TMEM65: variants seen among roughly 807,000 people sequenced by gnomAD.
The protein encoded by TMEM65 is transmembrane protein 65.
TMEM65 carries 22 observed loss-of-function variants against 25.4 expected under a neutral mutation model. That is an observed-to-expected ratio of 0.86 (90% CI 0.62 to 1.23). The LOEUF is 1.23. TMEM65 is among the 50% of genes most tolerant of loss of function. The pLI is 0.00. For synonymous variants in TMEM65, 132 were observed against 126.2 expected (o/e 1.05, Z -0.31); for missense variants, 262 against 308.2 (o/e 0.85, Z 1.12).
chr8:124,368,218 C>G (rs1323966116), intron 1 of TMEM65, among the ~76,000 whole-genome samples: 3 of 143,718 alleles, frequency 2.1e-5, no homozygotes, highest in Non-Finnish European at 4.5e-5. Flanking sequence ...ACTGTCACTT[C>G]GAAGACTGCG....
chr8:124,325,952 G>A (rs939790515), intron 3 of TMEM65, among the ~76,000 whole-genome samples: 4 of 151,890 alleles, frequency 2.6e-5, no homozygotes, highest in Non-Finnish European at 5.9e-5. Context: ...TGTAGTACAC[G>A]TGATCTCCAA....
At position 124,310,185 on chromosome 8, in the gene TMEM65, C is replaced by T. The variant is rs1389162393; in HGVS notation, c.*3775G>A. On this transcript the variant is annotated 3_prime_UTR_variant, in exon 7 of 7. Coordinates refer to ENST00000297632, the MANE Select transcript of TMEM65 (RefSeq NM_194291.3). ...AAAAGTATATTTGCTTTTCTGTGTT[C>T]TCTTCCCCTATTACTACCCACCCCA... is the stretch of plus-strand genomic sequence containing the variant. The T allele has an allele frequency of 6.6e-6, 1 of 152,440 alleles. No homozygotes were observed. The highest frequency in any genetic ancestry group is 1.5e-5 in the Non-Finnish European group (1 of 68,278). 9.4% of individuals were successfully genotyped at this position (152,440 alleles called of 1,614,324 possible).
chr8:124,316,115 T>C (rs1018825233), intron 6 of TMEM65, among the ~76,000 whole-genome samples: 7 of 152,142 alleles, frequency 4.6e-5, no homozygotes, highest in African/African-American at 1.4e-4. Context: ...ATAATGTCAA[T>C]AGGGTGGAGA....
At position 124,363,836 on chromosome 8, in the gene TMEM65, C is replaced by CAAAAAA. The variant is rs869161640; in HGVS notation, c.304+8012_304+8017dup. On this transcript the variant is annotated intron_variant, in intron 1 of 6. Transcript: ENST00000297632. The stretch of plus-strand genomic sequence containing the variant: ...AGGGCGACAGAGCGAGACTCCGTCT[C>CAAAAAA]AAAAAAAAAAAAAAAAAAAAAAAAA... Among the ~76,000 whole-genome samples the CAAAAAA allele has an allele frequency of 9.9e-4, 55 of 55,720 alleles. 1 individual carries two copies. Among genetic ancestry groups the CAAAAAA allele is most frequent in the African/African-American group, 2.8e-3 (35 of 12,612 alleles). The allele number at this position is 55,720 out of a possible 152,430, so 36.6% of individuals were successfully genotyped here. A position where few individuals can be genotyped will look rare whatever the true frequency, so the allele number is the denominator to read the frequency against.
intron 1 of TMEM65, among the ~76,000 whole-genome samples, chr8:124,334,632 G>A (rs549235129): frequency 2.0e-5 from 3 of 150,970 alleles, no homozygotes; most frequent in Admixed American, 2.0e-4. Context: ...GGTATGGTAG[G>A]GGGTACCTAT....
At chr8:124,339,248 T>TATATATATATA (rs1489856057) in intron 1 of TMEM65, among the ~76,000 whole-genome samples, 1 of 104,670 alleles carries the variant, frequency 9.6e-6, no homozygotes, top group African/African-American at 4.2e-5. Flanking sequence ...TATATATATA[T>TATATATATATA]AAAATATTCT....
rs1814143727 is a variant in TMEM65, at chr8:124,310,555, T to C, written c.*3405A>G. 1 of 152,136 alleles carries C rather than the reference T, an allele frequency of 6.6e-6. No homozygotes were observed. Among genetic ancestry groups the C allele is most frequent in the Non-Finnish European group, 1.5e-5 (1 of 68,018 alleles). The allele number at this position is 152,136 out of a possible 1,614,324, so 9.4% of individuals were successfully genotyped here. On this transcript the variant is annotated 3_prime_UTR_variant, in exon 7 of 7. Coordinates refer to ENST00000297632, the MANE Select transcript of TMEM65 (RefSeq NM_194291.3). ...CAATTTAGCTATGAGAAAATAGAGA[T>C]GATAATGATAATAGCCCCAACTTAA...
chr8:124,346,587 C>T (rs1814643090), intron 1 of TMEM65, among the ~76,000 whole-genome samples: 2 of 151,796 alleles, frequency 1.3e-5, no homozygotes, highest in African/African-American at 4.8e-5. Context: ...GCAGCTTCAC[C>T]CTGAGATGAC....
intron 1 of TMEM65, among the ~76,000 whole-genome samples, chr8:124,357,037 C>T (rs1439956972): frequency 6.7e-6 from 1 of 148,254 alleles, no homozygotes; most frequent in Non-Finnish European, 1.5e-5. Flanking sequence ...ATGCCTCTTC[C>T]ACCCTTAGCT....
At chr8:124,350,920 C>T (rs1251858806) in intron 1 of TMEM65, 1 of 870,850 alleles carries the variant, frequency 1.1e-6, no homozygotes, top group Non-Finnish European at 1.4e-6. Flanking sequence ...ATCATACAGA[C>T]AGTCAAAAAC....
chr8:124,346,252 C>T (rs1036230746), intron 1 of TMEM65, among the ~76,000 whole-genome samples: 3 of 152,154 alleles, frequency 2.0e-5, no homozygotes, highest in Middle Eastern at 3.2e-3. Flanking sequence ...GGGGAAACCA[C>T]CCCCATGATC....
intron 1 of TMEM65, among the ~76,000 whole-genome samples, chr8:124,358,685 G>A (rs1165368146): frequency 2.6e-5 from 4 of 152,146 alleles, no homozygotes; most frequent in East Asian, 1.9e-4. Context: ...CTGGTTCAGG[G>A]GCTGCCCAAC....
At position 124,312,211 on chromosome 8, in the gene TMEM65, A is replaced by G. The variant is rs141190259; in HGVS notation, c.*1749T>C. ...GTGTGGTTATCTGTGTGTGGTTATT[A>G]TATGGAAGATACAAACCGAAATTCT... is the stretch of plus-strand genomic sequence containing the variant. On this transcript the variant is annotated 3_prime_UTR_variant, in exon 7 of 7. Transcript: ENST00000297632. 7.4e-5 allele frequency: 11 copies of G among 148,148 alleles called. No individual in the cohort carries two copies. Among genetic ancestry groups the G allele is most frequent in the African/African-American group, 2.7e-4 (11 of 40,620 alleles). The allele number at this position is 148,148 out of a possible 1,614,324, so 9.2% of individuals were successfully genotyped here. A position where few individuals can be genotyped will look rare whatever the true frequency, so the allele number is the denominator to read the frequency against.
intron 3 of TMEM65, 26 bp from the exon 4 acceptor site, chr8:124,323,401 T>C (rs1463874590): frequency 7.6e-7 from 1 of 1,319,398 alleles, no homozygotes; most frequent in Non-Finnish European, 1.1e-6. Context: ...AAATTAATCT[T>C]AAAAATTAAA....
intron 1 of TMEM65, among the ~76,000 whole-genome samples, chr8:124,363,238 C>A (rs982854068): frequency 6.6e-5 from 10 of 152,086 alleles, no homozygotes; most frequent in Admixed American, 6.6e-4. Flanking sequence ...ACATGGGAAG[C>A]ATTGTCAAAT....
intron 1 of TMEM65, among the ~76,000 whole-genome samples, chr8:124,332,060 T>C (rs1375445847): frequency 6.6e-6 from 1 of 152,078 alleles, no homozygotes; most frequent in African/African-American, 2.4e-5. Context: ...TTTAGAAGAA[T>C]TAAGAAATGA....
rs370133255 is a variant in TMEM65 at position 124,309,224 on chromosome 8, A to C, written c.*4736T>G. 6.6e-6 allele frequency: 1 copy of C among 152,268 alleles called. No homozygotes were observed. The highest frequency in any genetic ancestry group is 2.4e-5 in the African/African-American group (1 of 41,466). The allele number at this position is 152,268 out of a possible 1,614,324, so 9.4% of individuals were successfully genotyped here. A position where few individuals can be genotyped will look rare whatever the true frequency, so the allele number is the denominator to read the frequency against. On this transcript the variant is annotated 3_prime_UTR_variant, in exon 7 of 7. Transcript: ENST00000297632. ...TTATTTATCAGAAAGGCTTCCAGCC[A>C]ATAGGAGGCTATAAGTAAAGTTTGG...
intron 1 of TMEM65, among the ~76,000 whole-genome samples, chr8:124,360,185 C>G (rs1287558375): frequency 6.6e-6 from 1 of 152,046 alleles, no homozygotes; most frequent in Admixed American, 6.5e-5. Flanking sequence ...AATCCCAGCA[C>G]TTTGGGAGGT....
intron 1 of TMEM65, among the ~76,000 whole-genome samples, chr8:124,367,845 ATAGAG>A (rs202005628): frequency 0.014 from 2,058 of 151,362 alleles, 47 homozygotes; most frequent in East Asian, 0.1. Context: ...TACCACTCAC[ATAGAG>A]TAATCAAAAA....
Sources: gnomAD v4.1 joint callset for allele counts (sites outside exome capture counted in the v4.1 genomes callset) on GRCh38, gnomAD v4.1.1 for gene constraint, MANE v1.5 for transcripts, NCBI Gene and HGNC (gene_info 2026-07-23, HGNC 2026-07-21) for gene names.